The following L3MBTL4 variants were observed in gnomAD, a reference collection of about 807,000 sequenced individuals.
L3MBTL4 encodes the protein lethal(3)malignant brain tumor-like protein 4.
In L3MBTL4, 70 loss-of-function variants were observed where a neutral mutation model predicts 84.5. The ratio of observed to expected loss-of-function variants is 0.83; its 90% CI spans 0.68 to 1.01. L3MBTL4 has a LOEUF of 1.01. Ranked by LOEUF, L3MBTL4 falls within the 50% of genes least tolerant of loss-of-function variation. The pLI is 0.00. For missense variants in L3MBTL4, 715 were observed against 754.8 expected (o/e 0.95, Z 0.62); for synonymous variants, 274 against 259.8 (o/e 1.05, Z -0.52).
rs912579859 is a variant in L3MBTL4, at chr18:6,083,010, G to A, written c.1374-2059C>T. Among the ~76,000 whole-genome samples the A allele has an allele frequency of 2.6e-5, 4 of 152,154 alleles. No individual in the cohort carries two copies. In the South Asian group the frequency reaches 8.3e-4, roughly 32 times the overall value. ...CTCTTGTTTTACACATTGAGAGACTGGGCTCAGAGACATTCAACAACCTGC... is the reference window on the plus strand; with the variant it reads ...CTCTTGTTTTACACATTGAGAGACTAGGCTCAGAGACATTCAACAACCTGC... On this transcript the variant is annotated intron_variant, in intron 15 of 18. Transcript: ENST00000317931.
intron 1 of L3MBTL4, among the ~76,000 whole-genome samples, chr18:6,377,361 T>C (rs1050365528): frequency 6.6e-6 from 1 of 152,198 alleles, no homozygotes; most frequent in Non-Finnish European, 1.5e-5. Flanking sequence ...CTAGGGTACA[T>C]GTGCAGAAAG....
intron 13 of L3MBTL4, among the ~76,000 whole-genome samples, chr18:6,152,076 A>G (rs542857726): frequency 1.3e-5 from 2 of 152,330 alleles, no homozygotes; most frequent in African/African-American, 4.8e-5. Context: ...CTTTTTATGG[A>G]TGAAAAATAT....
intron 1 of L3MBTL4, among the ~76,000 whole-genome samples, chr18:6,329,151 C>CTTTTTTTTTTTTTTTTT (rs992694853): frequency 1.6e-5 from 2 of 126,558 alleles, no homozygotes; most frequent in Non-Finnish European, 3.3e-5. Context: ...TTTTTCTTTT[C>CTTTTTTTTTTTTTTTTT]TTTTTTTTTT....
In L3MBTL4 at chr18:6,031,809, TG is replaced by T. The variant is rs1250737405; in HGVS notation, c.1444+49071del. On this transcript the variant is annotated intron_variant, in intron 16 of 18. Transcript: ENST00000317931. ...GGTGACTAAAGGCAAATCAGATTCA[TG>T]GTTTTTTTTTTTTTTTAATTTCACA... The T allele has an allele frequency of 2.2e-5, 20 of 916,558 alleles. No homozygotes were observed. In the African/African-American group the frequency reaches 3.5e-4, roughly 16 times the overall value. The allele number at this position is 916,558 out of a possible 1,614,324, so 56.8% of individuals were successfully genotyped here. A position where few individuals can be genotyped will look rare whatever the true frequency, so the allele number is the denominator to read the frequency against.
At chr18:6,273,997 A>C (rs939105133) in intron 4 of L3MBTL4, among the ~76,000 whole-genome samples, 1 of 152,364 alleles carries the variant, frequency 6.6e-6, no homozygotes. Context: ...TGGGACCAGC[A>C]ATCCACTAAA....
At chr18:6,325,870 A>G (rs1435369036) in intron 1 of L3MBTL4, among the ~76,000 whole-genome samples, 2 of 152,246 alleles carry the variant, frequency 1.3e-5, no homozygotes. Context: ...TAGTGGACAC[A>G]GTATGTTTTC....
At chr18:6,388,811 G>A (rs117930291) in intron 1 of L3MBTL4, among the ~76,000 whole-genome samples, 1,760 of 152,252 alleles carry the variant, frequency 0.012, 12 homozygotes, top group Non-Finnish European at 0.016. Flanking sequence ...GACACCCTGG[G>A]TCCTTCCAAA....
intron 12 of L3MBTL4, among the ~76,000 whole-genome samples, chr18:6,193,729 G>A (rs1285451552): frequency 6.6e-6 from 1 of 152,232 alleles, no homozygotes; most frequent in Non-Finnish European, 1.5e-5. Flanking sequence ...AGTGGGGAGT[G>A]AGTGCCTGCA....
chr18:6,019,025 G>A (rs2055129706), intron 16 of L3MBTL4, among the ~76,000 whole-genome samples: 1 of 152,168 alleles, frequency 6.6e-6, no homozygotes, highest in Non-Finnish European at 1.5e-5. Flanking sequence ...GGCTTATAGT[G>A]CATTAGTCTT....
chr18:6,031,796 C>T (rs1046170911), intron 16 of L3MBTL4: 26 of 976,096 alleles, frequency 2.7e-5, no homozygotes, highest in Non-Finnish European at 3.0e-5. Context: ...TGACTAAAGG[C>T]AAATCAGATT....
At chr18:6,060,764 T>C (rs1048368519) in intron 16 of L3MBTL4, among the ~76,000 whole-genome samples, 17 of 152,200 alleles carry the variant, frequency 1.1e-4, no homozygotes, top group African/African-American at 3.6e-4. Context: ...ATTATGTATG[T>C]AGCCCTTTCA....
At chr18:6,185,321 C>T (rs902772278) in intron 12 of L3MBTL4, among the ~76,000 whole-genome samples, 3 of 152,174 alleles carry the variant, frequency 2.0e-5, no homozygotes, top group Non-Finnish European at 2.9e-5. Flanking sequence ...CAATATGCTC[C>T]CTTCTCCCCT....
intron 4 of L3MBTL4, among the ~76,000 whole-genome samples, chr18:6,277,264 G>A (rs950106263): frequency 1.3e-5 from 2 of 152,032 alleles, no homozygotes; most frequent in African/African-American, 4.8e-5. Context: ...ATGTGCACAT[G>A]TACCCTAAAA....
chr18:6,238,650 C>T (rs903523634), intron 9 of L3MBTL4, among the ~76,000 whole-genome samples: 1 of 152,192 alleles, frequency 6.6e-6, no homozygotes, highest in African/African-American at 2.4e-5. Flanking sequence ...TTGCTGGCAG[C>T]AAGAGAAAAT....
At chr18:6,364,602 A>ACTT (rs2053851654) in intron 1 of L3MBTL4, among the ~76,000 whole-genome samples, 4 of 152,160 alleles carry the variant, frequency 2.6e-5, no homozygotes, top group African/African-American at 9.6e-5. Flanking sequence ...TCATCATTAA[A>ACTT]TAAACTGCTA....
At chr18:6,093,193 A>G (rs533213541) in intron 15 of L3MBTL4, among the ~76,000 whole-genome samples, 162 bp downstream of exon 15, 2 of 152,360 alleles carry the variant, frequency 1.3e-5, no homozygotes, top group East Asian at 1.9e-4. Flanking sequence ...AATGAAGATC[A>G]AGGCTTAGAT....
chr18:6,361,945 C>T (rs1353082958), intron 1 of L3MBTL4, among the ~76,000 whole-genome samples: 2 of 151,784 alleles, frequency 1.3e-5, no homozygotes, highest in African/African-American at 4.8e-5. Flanking sequence ...GTGAGACCCC[C>T]ATCCCTACTA....
chr18:5,982,278 C>G (rs569196377), intron 16 of L3MBTL4, among the ~76,000 whole-genome samples: 2 of 152,276 alleles, frequency 1.3e-5, no homozygotes, highest in South Asian at 4.2e-4. Context: ...GCCACCCCAC[C>G]CTTTTCTTAA....
intron 16 of L3MBTL4, among the ~76,000 whole-genome samples, chr18:6,061,004 T>C (rs979461691): frequency 2.0e-5 from 3 of 152,134 alleles, no homozygotes; most frequent in African/African-American, 4.8e-5. Context: ...AAGTTTTAAA[T>C]TCATTTGCAT....
Sources: allele counts gnomAD v4.1 joint callset (sites outside exome capture counted in the v4.1 genomes callset), GRCh38; gene constraint gnomAD v4.1.1; transcripts MANE v1.5; gene names NCBI Gene and HGNC (gene_info 2026-07-23, HGNC 2026-07-21).